NUAK1: variants seen among roughly 807,000 people sequenced by gnomAD.
NUAK1 encodes NUAK family kinase 1, also known as NUAK family SNF1-like kinase 1.
NUAK1 carries 26 observed loss-of-function variants against 56.9 expected under a neutral mutation model. The ratio of observed to expected loss-of-function variants is 0.46; its 90% CI spans 0.33 to 0.63. The LOEUF (loss-of-function observed/expected upper bound fraction) is 0.63. Among genes scored for constraint, NUAK1 ranks in the 30% least tolerant of loss-of-function variants. The pLI is 0.02. For missense variants in NUAK1, 727 were observed against 876.1 expected, an observed-to-expected ratio of 0.83 and a Z score of 2.15; for synonymous variants, 337 against 336.0, an observed-to-expected ratio of 1.00 and a Z score of -0.03.
At chr12:106,092,582 G>A (rs1469097351) in intron 2 of NUAK1, among the ~76,000 whole-genome samples, 2 of 152,050 alleles carry the variant, frequency 1.3e-5, no homozygotes, top group Admixed American at 6.5e-5. Flanking sequence ...GCTCAATGTC[G>A]TCAAAGATTG....
At chr12:106,069,046 G>C (rs1474810510) in intron 6 of NUAK1, among the ~76,000 whole-genome samples, 2 of 152,148 alleles carry the variant, frequency 1.3e-5, no homozygotes, top group Non-Finnish European at 2.9e-5. Context: ...AAAAGAACAG[G>C]CTGGCTTGTT....
intron 3 of NUAK1, among the ~76,000 whole-genome samples, chr12:106,084,723 C>G (rs1005921483): frequency 5.9e-5 from 9 of 151,426 alleles, no homozygotes; most frequent in African/African-American, 2.2e-4. Context: ...TAAACACTAG[C>G]CTTCTTCATT....
At chr12:106,086,221 A>G (rs963009379) in intron 3 of NUAK1, among the ~76,000 whole-genome samples, 3 of 152,232 alleles carry the variant, frequency 2.0e-5, no homozygotes, top group Non-Finnish European at 2.9e-5. Context: ...ACAATCAAGA[A>G]TTACAAAGAA....
chr12:106,133,086 T>C (rs11614704), intron 1 of NUAK1, among the ~76,000 whole-genome samples: 5,589 of 152,280 alleles, frequency 0.037, 137 homozygotes, highest in Non-Finnish European at 0.057. Context: ...TAGTTGCTAT[T>C]ATTTGCATTA....
intron 1 of NUAK1, among the ~76,000 whole-genome samples, chr12:106,132,401 T>A (rs1006042123): frequency 6.6e-6 from 1 of 152,212 alleles, no homozygotes; most frequent in African/African-American, 2.4e-5. Flanking sequence ...ATGTGAGGCA[T>A]TGACAATAAG....
chr12:106,137,336 C>T (rs1241292893), intron 1 of NUAK1, among the ~76,000 whole-genome samples: 1 of 152,202 alleles, frequency 6.6e-6, no homozygotes, highest in South Asian at 2.1e-4. Flanking sequence ...GCCTCCAAAA[C>T]ACCCCCAAAA....
rs1303654690 is a variant in NUAK1, at chr12:106,065,074, T to C, written c.*1728A>G. 1.3e-5 allele frequency: 2 copies of C among 152,162 alleles called. No homozygotes were observed. Among genetic ancestry groups the C allele is most frequent in the Non-Finnish European group, 2.9e-5 (2 of 68,052 alleles). The allele number at this position is 152,162 out of a possible 1,614,324, so 9.4% of individuals were successfully genotyped here. A position where few individuals can be genotyped will look rare whatever the true frequency, so the allele number is the denominator to read the frequency against. ...TTTCTCATCTCCCTAGAACTATTGT[T>C]TGTTGGTTTTTCCAAAGATGTTCCC... On this transcript the variant is annotated 3_prime_UTR_variant, in exon 7 of 7. Coordinates refer to ENST00000261402, the MANE Select transcript of NUAK1 (RefSeq NM_014840.3).
rs537981049 is a variant in NUAK1 at position 106,120,792 on chromosome 12, C to T, written c.241-14267G>A. Among the ~76,000 whole-genome samples, 3 of 152,256 alleles carry T rather than the reference C, an allele frequency of 2.0e-5. No individual in the cohort carries two copies. In the East Asian group the frequency reaches 5.8e-4, roughly 29 times the overall value. ...CGGCCCAGGTCCAGTGCAATGGCTT[C>T]GGACACACCGGTCCCACAGGGGCGA... On this transcript the variant is annotated intron_variant, in intron 1 of 6. Transcript: ENST00000261402.
chr12:106,130,596 C>T (rs1320098712), intron 1 of NUAK1, among the ~76,000 whole-genome samples: 1 of 152,150 alleles, frequency 6.6e-6, no homozygotes, highest in Non-Finnish European at 1.5e-5. Context: ...AAGCTACCAC[C>T]AGGGCTGCCA....
chr12:106,086,131 C>T (rs2032568319), intron 3 of NUAK1, among the ~76,000 whole-genome samples: 2 of 152,160 alleles, frequency 1.3e-5, no homozygotes, highest in Non-Finnish European at 2.9e-5. Flanking sequence ...AAATTATTCA[C>T]ATGAGAGGAA....
intron 1 of NUAK1, among the ~76,000 whole-genome samples, chr12:106,132,099 C>T (rs1248345982): frequency 6.6e-6 from 1 of 152,202 alleles, no homozygotes; most frequent in Non-Finnish European, 1.5e-5. Flanking sequence ...GAAGCCACGG[C>T]CAGAAACCTG....
chr12:106,083,744 C>A (rs2032542573), intron 4 of NUAK1, 120 bp downstream of exon 4: 2 of 798,666 alleles, frequency 2.5e-6, no homozygotes, highest in South Asian at 3.1e-5. Flanking sequence ...CTCTTCCCCA[C>A]CAGCCTGCCA....
intron 5 of NUAK1, among the ~76,000 whole-genome samples, chr12:106,072,192 T>C (rs914450772): frequency 2.6e-5 from 4 of 151,964 alleles, no homozygotes; most frequent in Admixed American, 1.3e-4. Flanking sequence ...GTGAGGCAAT[T>C]TTTTGTTTGT....
intron 2 of NUAK1, among the ~76,000 whole-genome samples, chr12:106,087,325 T>C (rs776385204): frequency 6.6e-6 from 1 of 152,202 alleles, no homozygotes; most frequent in Non-Finnish European, 1.5e-5. Flanking sequence ...TGTCATCTCT[T>C]TATAACTTCC....
intron 2 of NUAK1, among the ~76,000 whole-genome samples, chr12:106,092,273 C>T (rs2032643488): frequency 6.6e-6 from 1 of 152,082 alleles, no homozygotes; most frequent in African/African-American, 2.4e-5. Flanking sequence ...AATCCCAGCA[C>T]TTTGGGAGGC....
At chr12:106,109,873 T>G (rs1251619131) in intron 1 of NUAK1, among the ~76,000 whole-genome samples, 2 of 152,216 alleles carry the variant, frequency 1.3e-5, no homozygotes, top group Non-Finnish European at 2.9e-5. Flanking sequence ...TGTCAGTCTT[T>G]TTTAACCCAG....
At chr12:106,132,300 C>T (rs532273388) in intron 1 of NUAK1, among the ~76,000 whole-genome samples, 7 of 152,240 alleles carry the variant, frequency 4.6e-5, no homozygotes, top group East Asian at 1.9e-4. Context: ...CGTACAACTT[C>T]GACACCTCCC....
At chr12:106,123,007 A>G (rs2032993153) in intron 1 of NUAK1, among the ~76,000 whole-genome samples, 1 of 152,204 alleles carries the variant, frequency 6.6e-6, no homozygotes, top group African/African-American at 2.4e-5. Context: ...AGATGAATCC[A>G]TTACATGGTT....
At chr12:106,072,670 C>T (rs1332437942) in intron 5 of NUAK1, 54 bp downstream of exon 5, 2 of 1,548,656 alleles carry the variant, frequency 1.3e-6, no homozygotes, top group Admixed American at 1.9e-5. Context: ...TTTGCCCTTC[C>T]TCCCTCTTCT....
Sources: allele counts gnomAD v4.1 joint callset (sites outside exome capture counted in the v4.1 genomes callset), GRCh38; gene constraint gnomAD v4.1.1; transcripts MANE v1.5; gene names NCBI Gene and HGNC (gene_info 2026-07-23, HGNC 2026-07-21).